Variants in PAPPA observed in about 807,000 individuals in gnomAD.
PAPPA encodes the protein pappalysin-1.
PAPPA carries 60 observed loss-of-function variants against 164.0 expected under a neutral mutation model. That is an observed-to-expected ratio of 0.37 (90% CI 0.30 to 0.45). The LOEUF (loss-of-function observed/expected upper bound fraction) is 0.45, where lower values mean the gene tolerates loss of function less well. Among genes scored for constraint, PAPPA ranks in the 20% least tolerant of loss-of-function variants. PAPPA has a pLI of 1.00. For missense variants in PAPPA, 1,782 were observed against 2,087.3 expected (o/e 0.85, Z 2.85); for synonymous variants, 875 against 814.1 (o/e 1.07, Z -1.27).
intron 9 of PAPPA, among the ~76,000 whole-genome samples, chr9:116,285,171 C>CTTTTTTTTTTTTTT: frequency 2.9e-4 from 26 of 89,488 alleles, no homozygotes; most frequent in Middle Eastern, 7.8e-3. Context: ...TTCTTTCTTT[C>CTTTTTTTTTTTTTT]TTTTTTTTTT....
chr9:116,309,250 A>T (rs2118903999), intron 10 of PAPPA, among the ~76,000 whole-genome samples: 1 of 151,896 alleles, frequency 6.6e-6, no homozygotes, highest in South Asian at 2.1e-4. Context: ...TAATTTTTGT[A>T]TTTTTAGTAG....
At chr9:116,216,754 T>G (rs1484375451) in intron 4 of PAPPA, among the ~76,000 whole-genome samples, 1 of 152,116 alleles carries the variant, frequency 6.6e-6, no homozygotes, top group Non-Finnish European at 1.5e-5. Context: ...TTTATTTTTA[T>G]TTTTTGAGGC....
chr9:116,377,457 G>A lies in PAPPA; in HGVS notation c.4606-119G>A, dbSNP rs1846670125. 9.2e-6 allele frequency: 6 copies of A among 650,652 alleles called. No individual in the cohort carries two copies. In the Admixed American group the frequency reaches 1.1e-4, roughly 12 times the overall value. 40.3% of individuals were successfully genotyped at this position (650,652 alleles called of 1,614,324 possible). On this transcript the variant is annotated intron_variant, in intron 19 of 21. Transcript: ENST00000328252. The stretch of plus-strand genomic sequence containing the variant: ...GGCAAGTTCTCCATGTAAAAGCCAG[G>A]GTGAGGTCAGGAATTGGAAGGTCCC...
intron 1 of PAPPA, among the ~76,000 whole-genome samples, chr9:116,175,781 C>T (rs563718930): frequency 3.1e-4 from 47 of 152,172 alleles, no homozygotes; most frequent in African/African-American, 1.1e-3. Flanking sequence ...GGCTTACAGT[C>T]GAGTGGGGGA....
At chr9:116,175,235 C>T (rs1020647058) in intron 1 of PAPPA, among the ~76,000 whole-genome samples, 1 of 152,130 alleles carries the variant, frequency 6.6e-6, no homozygotes, top group Non-Finnish European at 1.5e-5. Flanking sequence ...TAAATCAGGG[C>T]GCCCTCCAGT....
chr9:116,253,636 C>G (rs944406203), intron 7 of PAPPA, among the ~76,000 whole-genome samples: 1 of 152,116 alleles, frequency 6.6e-6, no homozygotes, highest in East Asian at 1.9e-4. Flanking sequence ...CTTAAAAATT[C>G]AGAGTAATAC....
intron 20 of PAPPA, among the ~76,000 whole-genome samples, chr9:116,381,657 G>C (rs1846733202): frequency 6.6e-6 from 1 of 152,180 alleles, no homozygotes. Context: ...CAAGAGAGAT[G>C]AAGTAAAAAA....
chr9:116,334,575 T>G (rs1432437840), intron 12 of PAPPA, among the ~76,000 whole-genome samples: 1 of 151,686 alleles, frequency 6.6e-6, no homozygotes, highest in Non-Finnish European at 1.5e-5. Context: ...CCTGGGATGC[T>G]TGGCTGAGGG....
Position 116,352,862 on chromosome 9 carries a change from A to C in PAPPA, c.4121A>C (p.Lys1374Thr). The change falls in exon 16 of 22, where the codon AAA becomes ACA. Residue 1374 changes from lysine to threonine, a missense_variant. Lys to Thr is a moderately conservative substitution (Grantham distance 78). Transcript: ENST00000328252. Reference protein sequence around the residue: ...ENKHKVGSFCKYKCKPGYHVP... With the variant: ...ENKHKVGSFCTYKCKPGYHVP... Reference sequence around the variant, plus strand: ...AAGCACAAGGTGGGCTCCTTCTGCAAATACAAATGCAAGCCTGGATACCAT... The same window carrying C: ...AAGCACAAGGTGGGCTCCTTCTGCACATACAAATGCAAGCCTGGATACCAT... 6.2e-7 allele frequency: 1 copy of C among 1,614,146 alleles called. No individual in the cohort carries two copies. The highest frequency in any genetic ancestry group is 2.2e-5 in the East Asian group (1 of 44,886).
In PAPPA at chr9:116,211,656, C is replaced by G. The variant is rs771250253; in HGVS notation, c.1642C>G (p.Pro548Ala). Residue 548 changes from proline (P) to alanine (A), a missense_variant, in exon 4 of 22, where the codon CCA becomes GCA. Pro to Ala is a conservative substitution (Grantham distance 27). This residue lies in a region of PAPPA where 1,324 missense variants were observed against 1,656.9 expected (regional missense o/e 0.80). Transcript: ENST00000328252. ...LMHLGGIVLNPSFYGMPGHTH... is the reference protein window; with the variant it reads ...LMHLGGIVLNASFYGMPGHTH... The stretch of plus-strand genomic sequence containing the variant: ...CCTTACAGGTGGCATTGTCTTGAAC[C>G]CATCTTTCTATGGCATGCCTGGGCA... 6.2e-7 allele frequency: 1 copy of G among 1,614,046 alleles called. No individual in the cohort carries two copies. The highest frequency in any genetic ancestry group is 8.5e-7 in the Non-Finnish European group (1 of 1,179,950).
intron 2 of PAPPA, among the ~76,000 whole-genome samples, chr9:116,201,567 C>T (rs141807497): frequency 1.3e-5 from 2 of 152,346 alleles, no homozygotes; most frequent in African/African-American, 4.8e-5. Context: ...TAGCTTAAAA[C>T]AGAATTCTGC....
chr9:116,219,429 T>C (rs531847716), intron 4 of PAPPA, among the ~76,000 whole-genome samples: 1 of 152,194 alleles, frequency 6.6e-6, no homozygotes, highest in South Asian at 2.1e-4. Flanking sequence ...TGGTTAATAG[T>C]GAAATTAATG....
At chr9:116,355,802 G>A (rs1846346517) in intron 17 of PAPPA, among the ~76,000 whole-genome samples, 1 of 152,196 alleles carries the variant, frequency 6.6e-6, no homozygotes, top group Admixed American at 6.5e-5. Context: ...TAACGGAGAG[G>A]CTAGTCGCAA....
chr9:116,309,127 G>A (rs920481329), intron 10 of PAPPA, among the ~76,000 whole-genome samples: 8 of 151,384 alleles, frequency 5.3e-5, no homozygotes, highest in African/African-American at 1.9e-4. Flanking sequence ...CCAGGCTGAA[G>A]TGCGGTGGCA....
At chr9:116,330,069 T>A (rs553018614) in intron 10 of PAPPA, among the ~76,000 whole-genome samples, 1 of 152,326 alleles carries the variant, frequency 6.6e-6, no homozygotes, top group African/African-American at 2.4e-5. Context: ...TGAGGATATA[T>A]CACTTTTTTT....
At chr9:116,178,179 T>G (rs888879561) in intron 1 of PAPPA, among the ~76,000 whole-genome samples, 1 of 152,212 alleles carries the variant, frequency 6.6e-6, no homozygotes. Context: ...CGATCTCGGC[T>G]TACTGCAATC....
intron 6 of PAPPA, among the ~76,000 whole-genome samples, chr9:116,228,216 T>G (rs945300162): frequency 2.6e-5 from 4 of 152,188 alleles, no homozygotes; most frequent in Admixed American, 1.3e-4. Context: ...TTTTGCCAAA[T>G]GCTTGTTGTC....
chr9:116,336,986 T>C (rs879375667), intron 13 of PAPPA, among the ~76,000 whole-genome samples: 4 of 152,168 alleles, frequency 2.6e-5, no homozygotes, highest in Non-Finnish European at 2.9e-5. Flanking sequence ...AGGAACAGTA[T>C]CTTATTTTAT....
chr9:116,389,132 T>C (rs1846855930), intron 21 of PAPPA, among the ~76,000 whole-genome samples: 1 of 136,990 alleles, frequency 7.3e-6, no homozygotes, highest in South Asian at 2.3e-4. Context: ...AATAATCCTT[T>C]TTTTTTTTTT....
Sources: allele counts gnomAD v4.1 joint callset (sites outside exome capture counted in the v4.1 genomes callset), GRCh38; gene constraint gnomAD v4.1.1; regional missense constraint gnomAD v4.1.1; transcripts MANE v1.5; gene names NCBI Gene and HGNC (gene_info 2026-07-23, HGNC 2026-07-21).